The following NOX4 variants were observed in gnomAD, a reference collection of about 807,000 sequenced individuals.
NOX4 encodes NADPH oxidase 4, also known as kidney oxidase-1.
Under a neutral mutation model 87.6 loss-of-function variants are expected in NOX4, and 69 were observed. The ratio of observed to expected loss-of-function variants is 0.79; its 90% CI spans 0.65 to 0.96. NOX4 has a LOEUF of 0.96. Among genes scored for constraint, NOX4 ranks in the 40% least tolerant of loss-of-function variants. The pLI, the probability that NOX4 is intolerant of heterozygous loss-of-function variation, is 0.00. For synonymous variants in NOX4, 275 were observed against 238.2 expected (o/e 1.15, Z -1.42); for missense variants, 680 against 681.5 (o/e 1.00, Z 0.02).
the NOX4 span, among the ~76,000 whole-genome samples, chr11:89,517,872 T>G: frequency 2.0e-5 from 3 of 152,018 alleles, no homozygotes; most frequent in Non-Finnish European, 1.5e-5. Context: ...AAACAACAAG[T>G]ACTTAATAAA....
intron 7 of NOX4, among the ~76,000 whole-genome samples, chr11:89,427,762 C>T (rs531415389): frequency 5.1e-4 from 77 of 152,200 alleles, no homozygotes; most frequent in East Asian, 3.9e-4. Flanking sequence ...CTGAAAGTGA[C>T]GGCGAGAATG....
intron 11 of NOX4, among the ~76,000 whole-genome samples, chr11:89,382,227 C>T (rs10830266): frequency 6.6e-6 from 1 of 151,606 alleles, no homozygotes; most frequent in South Asian, 2.1e-4. Flanking sequence ...CTATGGGCAA[C>T]CTTCCACCCT....
At chr11:89,508,765 T>G in the NOX4 span, among the ~76,000 whole-genome samples, 2 of 152,052 alleles carry the variant, frequency 1.3e-5, no homozygotes, top group Non-Finnish European at 2.9e-5. Context: ...AAACACTTTC[T>G]CAGGTAGCTA....
intron 2 of NOX4, among the ~76,000 whole-genome samples, chr11:89,467,191 A>G (rs1310404957): frequency 6.6e-6 from 1 of 151,756 alleles, no homozygotes; most frequent in Admixed American, 6.6e-5. Flanking sequence ...TACTAAAAAA[A>G]TACAAAAAAA....
chr11:89,344,129 A>G, intron 13 of NOX4, among the ~76,000 whole-genome samples: 1 of 149,876 alleles, frequency 6.7e-6, no homozygotes, highest in South Asian at 2.1e-4. Context: ...AATATAATAA[A>G]TATTATATTA....
In NOX4 at chr11:89,470,788, G is replaced by T. The variant is rs111548468; in HGVS notation, c.154-18893C>A. Among the ~76,000 whole-genome samples the T allele has an allele frequency of 3.2e-3, 491 of 152,192 alleles. 5 individuals are homozygous for T. Among genetic ancestry groups the T allele is most frequent in the African/African-American group, 0.011 (473 of 41,512 alleles). On this transcript the variant is annotated intron_variant, in intron 2 of 17. Coordinates refer to ENST00000263317, the MANE Select transcript of NOX4 (RefSeq NM_016931.5). ...CAGGCCTAACTGATGATACCATTAGGCTACTTGGCTACATATACTTTTATA... is the reference window on the plus strand; with the variant it reads ...CAGGCCTAACTGATGATACCATTAGTCTACTTGGCTACATATACTTTTATA...
At chr11:89,477,242 C>G (rs987005168) in intron 2 of NOX4, among the ~76,000 whole-genome samples, 1 of 152,110 alleles carries the variant, frequency 6.6e-6, no homozygotes, top group Non-Finnish European at 1.5e-5. Context: ...TGACAGGAGA[C>G]AGTGACAGAT....
the NOX4 span, among the ~76,000 whole-genome samples, chr11:89,525,239 A>C: frequency 6.6e-6 from 1 of 152,014 alleles, no homozygotes; most frequent in African/African-American, 2.4e-5. Context: ...AGCTGCCTAG[A>C]TGTGGAATAG....
At chr11:89,480,324 C>A (rs561529834) in intron 2 of NOX4, among the ~76,000 whole-genome samples, 1 of 152,098 alleles carries the variant, frequency 6.6e-6, no homozygotes, top group Non-Finnish European at 1.5e-5. Context: ...TGTCATGGCA[C>A]CATGACTGGA....
At chr11:89,413,521 CA>C (rs1942597806) in intron 8 of NOX4, among the ~76,000 whole-genome samples, 1 of 152,078 alleles carries the variant, frequency 6.6e-6, no homozygotes, top group African/African-American at 2.4e-5. Flanking sequence ...CTCTCATTTT[CA>C]ACGACGTGGG....
chr11:89,393,498 A>G (rs1048385546), intron 11 of NOX4, among the ~76,000 whole-genome samples: 1 of 152,130 alleles, frequency 6.6e-6, no homozygotes, highest in African/African-American at 2.4e-5. Context: ...GACTACTTTC[A>G]TATTCCCGTT....
At chr11:89,438,882 AAT>A (rs1944302503) in intron 6 of NOX4, among the ~76,000 whole-genome samples, 1 of 51,678 alleles carries the variant, frequency 1.9e-5, no homozygotes, top group Middle Eastern at 0.026. Context: ...TATAATATAT[AAT>A]ATATTATATA....
At position 89,460,859 on chromosome 11, in the gene NOX4, G is replaced by A. The variant is rs148694708; in HGVS notation, c.154-8964C>T. Among the ~76,000 whole-genome samples, 675 of 152,246 alleles carry A rather than the reference G, an allele frequency of 4.4e-3. 3 individuals carry two copies. The highest frequency in any genetic ancestry group is 0.015 in the African/African-American group (630 of 41,524). On this transcript the variant is annotated intron_variant, in intron 2 of 17. Transcript: ENST00000263317. The stretch of plus-strand genomic sequence containing the variant: ...TGCTGCTGTAAAGACACATGCACAC[G>A]TATGTTTATTGTGCCACTATCCACA...
At chr11:89,449,305 C>A in intron 4 of NOX4, 135 bp downstream of exon 4, 2 of 604,288 alleles carry the variant, frequency 3.3e-6, no homozygotes, top group Non-Finnish European at 5.8e-6. Context: ...GCAATTACCC[C>A]AAATTGTCAT....
At chr11:89,573,294 T>A in the NOX4 span, among the ~76,000 whole-genome samples, 1 of 152,256 alleles carries the variant, frequency 6.6e-6, no homozygotes, top group Admixed American at 6.5e-5. Context: ...TCCCAGCACT[T>A]TGGGAGGCTG....
intron 11 of NOX4, among the ~76,000 whole-genome samples, chr11:89,385,490 G>A (rs1940636003): frequency 6.6e-6 from 1 of 152,134 alleles, no homozygotes; most frequent in South Asian, 2.1e-4. Context: ...AAGGCAAATT[G>A]TTCTTGGACC....
chr11:89,571,691 GAA>G, the NOX4 span, among the ~76,000 whole-genome samples: 1,841 of 144,880 alleles, frequency 0.013, 32 homozygotes, highest in African/African-American at 0.044. Flanking sequence ...TTACTTTTGT[GAA>G]AAAAAAAAAA....
chr11:89,329,865 T>A (rs1945395874), intron 17 of NOX4, among the ~76,000 whole-genome samples: 1 of 151,860 alleles, frequency 6.6e-6, no homozygotes, highest in Admixed American at 6.6e-5. Context: ...AAACCAGCAC[T>A]ATAAAGGACA....
intron 2 of NOX4, among the ~76,000 whole-genome samples, chr11:89,474,712 A>ACTT (rs1477967073): frequency 6.6e-6 from 1 of 152,064 alleles, no homozygotes; most frequent in Non-Finnish European, 1.5e-5. Flanking sequence ...TCAGGTGGTT[A>ACTT]CTTCTAAGAT....
Sources: allele counts gnomAD v4.1 joint callset (sites outside exome capture counted in the v4.1 genomes callset), GRCh38; gene constraint gnomAD v4.1.1; transcripts MANE v1.5; gene names NCBI Gene and HGNC (gene_info 2026-07-23, HGNC 2026-07-21).